Variants in ITK observed in about 807,000 individuals in gnomAD.
The protein encoded by ITK is IL2 inducible T cell kinase.
Under a neutral mutation model 87.6 loss-of-function variants are expected in ITK, and 45 were observed. The ratio of observed to expected loss-of-function variants is 0.51; its 90% CI spans 0.40 to 0.66. ITK has a LOEUF of 0.66. ITK is among the 30% of genes least tolerant of loss of function. The pLI, the probability that ITK is intolerant of heterozygous loss-of-function variation, is 0.00. For synonymous variants in ITK, 303 were observed against 273.6 expected, an observed-to-expected ratio of 1.11 and a Z score of -1.06; for missense variants, 605 against 766.3, an observed-to-expected ratio of 0.79 and a Z score of 2.48.
chr5:157,209,041 A>C (rs575704597), intron 2 of ITK, 48 bp downstream of exon 2: 2 of 1,281,054 alleles, frequency 1.6e-6, no homozygotes, highest in Non-Finnish European at 2.3e-6. Flanking sequence ...CTGTGGTTAA[A>C]ATCTTCAGTC....
At chr5:157,188,348 A>C (rs1363714945) in intron 1 of ITK, among the ~76,000 whole-genome samples, 1 of 152,112 alleles carries the variant, frequency 6.6e-6, no homozygotes, top group African/African-American at 2.4e-5. Context: ...ATTCTCAACT[A>C]TGCCCTTCAA....
chr5:157,215,671 T>C (rs1363722841), intron 4 of ITK, among the ~76,000 whole-genome samples: 1 of 152,214 alleles, frequency 6.6e-6, no homozygotes, highest in Non-Finnish European at 1.5e-5. Context: ...TGATCTGGTC[T>C]CCAAATTTCT....
chr5:157,192,404 C>T (rs1030905150), intron 1 of ITK, among the ~76,000 whole-genome samples: 11 of 152,044 alleles, frequency 7.2e-5, no homozygotes, highest in Admixed American at 5.2e-4. Context: ...TTGACTGTTC[C>T]GTAGAAGTTA....
intron 3 of ITK, among the ~76,000 whole-genome samples, chr5:157,211,870 G>C (rs1754197929): frequency 6.6e-6 from 1 of 152,150 alleles, no homozygotes; most frequent in Non-Finnish European, 1.5e-5. Flanking sequence ...GAAAAGGAAG[G>C]GATAACAGCA....
At chr5:157,231,661 G>A (rs1258015873) in intron 7 of ITK, among the ~76,000 whole-genome samples, 1 of 152,008 alleles carries the variant, frequency 6.6e-6, no homozygotes, top group Non-Finnish European at 1.5e-5. Context: ...TACCTAAAAA[G>A]CAGCCAGAGA....
intron 11 of ITK, 23 bp from the exon 12 acceptor site, chr5:157,243,600 A>G (rs1754957676): frequency 6.3e-7 from 1 of 1,599,740 alleles, no homozygotes; most frequent in Non-Finnish European, 8.6e-7. Context: ...CTGACCCCAG[A>G]GAACTCTCTC....
At chr5:157,190,432 G>A (rs1753730723) in intron 1 of ITK, among the ~76,000 whole-genome samples, 7 of 152,202 alleles carry the variant, frequency 4.6e-5, no homozygotes, top group Admixed American at 4.6e-4. Context: ...TCTGTGCCAG[G>A]CACCACGCTA....
chr5:157,231,723 C>T (rs1754658720), intron 7 of ITK, among the ~76,000 whole-genome samples: 1 of 152,102 alleles, frequency 6.6e-6, no homozygotes, highest in South Asian at 2.1e-4. Context: ...AACTTCATCC[C>T]TAAAAATCAT....
intron 5 of ITK, among the ~76,000 whole-genome samples, chr5:157,219,957 G>A (rs147010067): frequency 3.5e-4 from 54 of 152,308 alleles, no homozygotes; most frequent in African/African-American, 1.3e-3. Context: ...TGAGTGTTCT[G>A]ACCACAAAGG....
chr5:157,228,455 GATCCC>G, intron 7 of ITK, 94 bp downstream of exon 7: 1 of 760,318 alleles, frequency 1.3e-6, no homozygotes, highest in Non-Finnish European at 2.4e-6. Context: ...AATACCAGAT[GATCCC>G]TACTGCAACA....
At chr5:157,220,605 G>C (rs754442126) in intron 5 of ITK, among the ~76,000 whole-genome samples, 1 of 152,090 alleles carries the variant, frequency 6.6e-6, no homozygotes, top group Non-Finnish European at 1.5e-5. Context: ...TCAGGAGGCA[G>C]GATCCTCATT....
Position 157,253,712 on chromosome 5 carries a change from C to G in ITK, c.*1034C>G, listed in dbSNP as rs937525028. 3.2e-5 allele frequency: 7 copies of G among 221,414 alleles called. No individual in the cohort carries two copies. The highest frequency in any genetic ancestry group is 5.4e-5 in the Non-Finnish European group (6 of 110,694). 13.7% of individuals were successfully genotyped at this position (221,414 alleles called of 1,614,324 possible). A position where few individuals can be genotyped will look rare whatever the true frequency, so the allele number is the denominator to read the frequency against. On this transcript the variant is annotated 3_prime_UTR_variant, in exon 17 of 17. Coordinates refer to ENST00000422843, the MANE Select transcript of ITK (RefSeq NM_005546.4). ...CGAGCAATTGAAACTTGTTTAGGCC[C>G]TAGGGTTGAGCAATTTTAAGGTTGA...
At chr5:157,218,280 G>A (rs1426986937) in intron 5 of ITK, among the ~76,000 whole-genome samples, 28 of 152,086 alleles carry the variant, frequency 1.8e-4, no homozygotes, top group Admixed American at 1.8e-3. Flanking sequence ...CAAAGTGGGA[G>A]GATCGCTTGA....
chr5:157,254,762 G>A lies in ITK; in HGVS notation c.*2084G>A. 4.6e-6 allele frequency: 1 copy of A among 218,556 alleles called. No homozygotes were observed. Among genetic ancestry groups the A allele is most frequent in the Non-Finnish European group, 9.2e-6 (1 of 108,912 alleles). 13.5% of individuals were successfully genotyped at this position (218,556 alleles called of 1,614,324 possible). On this transcript the variant is annotated 3_prime_UTR_variant, in exon 17 of 17. Coordinates refer to ENST00000422843, the MANE Select transcript of ITK (RefSeq NM_005546.4). The stretch of plus-strand genomic sequence containing the variant: ...AGTCTAGAAAGAAAACATTGGAATT[G>A]ACTGATCTCTGTGGTTTGGTTTAGA...
intron 13 of ITK, chr5:157,245,179 C>G: frequency 5.6e-6 from 1 of 177,176 alleles, no homozygotes; most frequent in African/African-American, 2.5e-5. Context: ...GAGCTGAGAT[C>G]AAGCCACTAC....
Position 157,240,015 on chromosome 5 carries a change from A to G in ITK, c.852-47A>G, listed in dbSNP as rs376397365. The G allele has an allele frequency of 3.8e-6, 6 of 1,591,162 alleles. No homozygotes were observed. In the African/African-American group the frequency reaches 5.4e-5, roughly 14 times the overall value. ...ATACTCGTAGACTTTTTTGTGTCTC[A>G]ACATTGCTTCTTAATAATCATTACA... On this transcript the variant is annotated intron_variant, in intron 9 of 16. Transcript: ENST00000422843.
intron 10 of ITK, chr5:157,240,631 G>A: frequency 4.7e-6 from 1 of 211,600 alleles, no homozygotes; most frequent in South Asian, 8.1e-5. Flanking sequence ...CATGGTGCCG[G>A]CATCTTCTTG....
Position 157,180,860 on chromosome 5 carries a change from C to A in ITK, c.-118C>A. On this transcript the variant is annotated 5_prime_UTR_variant, in exon 1 of 17. Transcript: ENST00000422843. ...AAGATAACGTTGAAGGCAAGTTGCCCTTGAGCAGCTCTCTGAAGATCAACT... is the reference window on the plus strand; with the variant it reads ...AAGATAACGTTGAAGGCAAGTTGCCATTGAGCAGCTCTCTGAAGATCAACT... 1 of 977,698 alleles carries A rather than the reference C, an allele frequency of 1.0e-6. No individual in the cohort carries two copies. Among genetic ancestry groups the A allele is most frequent in the South Asian group, 1.3e-5 (1 of 74,472 alleles). 60.6% of individuals were successfully genotyped at this position (977,698 alleles called of 1,614,324 possible). A position where few individuals can be genotyped will look rare whatever the true frequency, so the allele number is the denominator to read the frequency against.
At chr5:157,246,775 G>A (rs1020276716) in intron 15 of ITK, among the ~76,000 whole-genome samples, 1 of 152,120 alleles carries the variant, frequency 6.6e-6, no homozygotes, top group Admixed American at 6.5e-5. Flanking sequence ...CTGACAGAGG[G>A]ACCAGCAAGT....
Sources: allele counts gnomAD v4.1 joint callset (sites outside exome capture counted in the v4.1 genomes callset), GRCh38; gene constraint gnomAD v4.1.1; transcripts MANE v1.5; gene names NCBI Gene and HGNC (gene_info 2026-07-23, HGNC 2026-07-21).